Variants in MICU1 observed in about 807,000 individuals in gnomAD.
MICU1 encodes the protein mitochondrial calcium uptake 1.
MICU1 carries 45 observed loss-of-function variants against 56.8 expected under a neutral mutation model. The observed-to-expected ratio is 0.79, with a 90% CI of 0.62 to 1.02. The LOEUF is 1.02. Among genes scored for constraint, MICU1 ranks in the 50% least tolerant of loss-of-function variants. The pLI, the probability that MICU1 is intolerant of heterozygous loss-of-function variation, is 0.00. For synonymous variants in MICU1, 186 were observed against 195.1 expected (o/e 0.95, Z 0.39); for missense variants, 504 against 587.1 (o/e 0.86, Z 1.46).
chr10:72,586,337 T>C (rs190577659), intron 1 of MICU1, among the ~76,000 whole-genome samples: 1 of 152,096 alleles, frequency 6.6e-6, no homozygotes, highest in Admixed American at 6.5e-5. Flanking sequence ...CCATGGTTGG[T>C]TGAATCCATG....
rs78134665 is a variant in MICU1 at position 72,566,496 on chromosome 10, G to A, written c.161+137C>T. 548 of 852,874 alleles carry A rather than the reference G, an allele frequency of 6.4e-4. 1 individual carries two copies. In the African/African-American group the frequency reaches 8.8e-3, roughly 14 times the overall value. The allele number at this position is 852,874 out of a possible 1,614,324, so 52.8% of individuals were successfully genotyped here. A position where few individuals can be genotyped will look rare whatever the true frequency, so the allele number is the denominator to read the frequency against. On this transcript the variant is annotated intron_variant, in intron 2 of 11. Coordinates refer to ENST00000361114, the MANE Select transcript of MICU1 (RefSeq NM_001195518.2). ...CTTTGAAACATCTTATTTCATAGAC[G>A]AATATTAACAATACCAAATGATCCG...
At chr10:72,373,362 C>A (rs11000274) in intron 11 of MICU1, among the ~76,000 whole-genome samples, 84,928 of 151,528 alleles carry the variant, frequency 0.56, 24,724 homozygotes, top group Non-Finnish European at 0.65. Flanking sequence ...TTTTTTGTAG[C>A]GATGGGATCT....
chr10:72,374,808 CTTTTTTTTTTTTT>C (rs34228174), intron 11 of MICU1, among the ~76,000 whole-genome samples: 3 of 77,206 alleles, frequency 3.9e-5, no homozygotes, highest in Admixed American at 1.7e-4. Context: ...CTACTATTAT[CTTTTTTTTTTTTT>C]TTTTTTTTTT....
At chr10:72,500,981 G>T (rs1867050743) in intron 6 of MICU1, among the ~76,000 whole-genome samples, 1 of 152,138 alleles carries the variant, frequency 6.6e-6, no homozygotes, top group Non-Finnish European at 1.5e-5. Flanking sequence ...TAATAACCAT[G>T]CTTGTTTATT....
intron 1 of MICU1, among the ~76,000 whole-genome samples, chr10:72,610,487 G>C (rs1029973067): frequency 6.6e-6 from 1 of 152,028 alleles, no homozygotes; most frequent in Non-Finnish European, 1.5e-5. Context: ...TAACAAAAAC[G>C]AACAAGAGAT....
chr10:72,372,887 C>T (rs1207177342), intron 11 of MICU1, among the ~76,000 whole-genome samples: 1 of 149,506 alleles, frequency 6.7e-6, no homozygotes, highest in Non-Finnish European at 1.5e-5. Context: ...CTGTTGCACT[C>T]CAGCCTGGGC....
chr10:72,493,188 CAT>C (rs1351615464), intron 6 of MICU1, among the ~76,000 whole-genome samples: 4 of 151,792 alleles, frequency 2.6e-5, no homozygotes, highest in African/African-American at 4.9e-5. Flanking sequence ...TATGCATGTA[CAT>C]GTGTATACAC....
intron 1 of MICU1, among the ~76,000 whole-genome samples, chr10:72,606,010 A>G (rs747547214): frequency 6.6e-6 from 1 of 151,970 alleles, no homozygotes; most frequent in Admixed American, 6.6e-5. Context: ...GCATGCCTGT[A>G]GTCCCAGCTA....
intron 1 of MICU1, among the ~76,000 whole-genome samples, chr10:72,582,617 T>C (rs1490552202): frequency 6.6e-6 from 1 of 151,996 alleles, no homozygotes; most frequent in African/African-American, 2.4e-5. Flanking sequence ...TTTTTAAAAT[T>C]AAATTTAAAA....
intron 8 of MICU1, among the ~76,000 whole-genome samples, chr10:72,429,763 A>G (rs1274163209): frequency 6.6e-6 from 1 of 152,208 alleles, no homozygotes; most frequent in Non-Finnish European, 1.5e-5. Context: ...AGTCTTGAGA[A>G]TGCCATTCAT....
chr10:72,505,465 A>C (rs1867213773), intron 6 of MICU1, among the ~76,000 whole-genome samples: 1 of 152,192 alleles, frequency 6.6e-6, no homozygotes. Flanking sequence ...TACTGGATAC[A>C]TACCCAAAGG....
chr10:72,528,759 C>A, intron 5 of MICU1: 1 of 230,666 alleles, frequency 4.3e-6, no homozygotes, highest in Non-Finnish European at 9.6e-6. Flanking sequence ...TGACCTTATT[C>A]TAGGGTCTTA....
intron 6 of MICU1, among the ~76,000 whole-genome samples, chr10:72,500,800 T>A (rs1208187763): frequency 6.6e-6 from 1 of 152,204 alleles, no homozygotes; most frequent in Non-Finnish European, 1.5e-5. Context: ...ACCTAGTGAA[T>A]CTTAGCATTA....
chr10:72,574,002 C>G (rs115541911), intron 1 of MICU1, among the ~76,000 whole-genome samples: 1 of 152,112 alleles, frequency 6.6e-6, no homozygotes, highest in Non-Finnish European at 1.5e-5. Flanking sequence ...TTTCTGCTTG[C>G]CTTTTTATAT....
intron 5 of MICU1, among the ~76,000 whole-genome samples, chr10:72,510,622 C>T (rs1201588919): frequency 6.6e-6 from 1 of 151,594 alleles, no homozygotes; most frequent in Non-Finnish European, 1.5e-5. Flanking sequence ...TATTGATACA[C>T]ATACTATTAT....
chr10:72,385,859 C>T (rs1862870219), intron 10 of MICU1, among the ~76,000 whole-genome samples: 1 of 152,194 alleles, frequency 6.6e-6, no homozygotes, highest in Admixed American at 6.5e-5. Flanking sequence ...GCGAGAGATT[C>T]TGTTGCTGGC....
At chr10:72,457,234 A>G (rs1481627479) in intron 8 of MICU1, among the ~76,000 whole-genome samples, 1 of 142,776 alleles carries the variant, frequency 7.0e-6, no homozygotes, top group African/African-American at 2.6e-5. Flanking sequence ...TTTTTTTTTT[A>G]AAGAGAGAGG....
chr10:72,477,130 T>C (rs1866148758), intron 7 of MICU1, 44 bp downstream of exon 7: 8 of 1,405,362 alleles, frequency 5.7e-6, no homozygotes, highest in Non-Finnish European at 6.8e-6. Flanking sequence ...GAAAATGTAT[T>C]TTAAATATTA....
chr10:72,591,991 C>A (rs1841238439), intron 1 of MICU1, among the ~76,000 whole-genome samples: 1 of 150,982 alleles, frequency 6.6e-6, no homozygotes, highest in Admixed American at 6.6e-5. Flanking sequence ...GCCTGGGCGA[C>A]AAAGTGAGGC....
Sources: allele counts gnomAD v4.1 joint callset (sites outside exome capture counted in the v4.1 genomes callset), GRCh38; gene constraint gnomAD v4.1.1; transcripts MANE v1.5; gene names NCBI Gene and HGNC (gene_info 2026-07-23, HGNC 2026-07-21).